Variants in CACNA1A observed in about 807,000 individuals in gnomAD.
CACNA1A encodes the protein voltage-dependent P/Q-type calcium channel subunit alpha-1A.
Under a neutral mutation model 262.4 loss-of-function variants are expected in CACNA1A, and 57 were observed. The ratio of observed to expected loss-of-function variants is 0.22; its 90% confidence interval spans 0.18 to 0.27. The LOEUF (loss-of-function observed/expected upper bound fraction) is 0.27, where lower values mean the gene tolerates loss of function less well. Ranked by LOEUF, CACNA1A falls within the 10% of genes least tolerant of loss-of-function variation. CACNA1A has a pLI of 1.00. For synonymous variants in CACNA1A, 1,431 were observed against 1,419.3 expected (o/e 1.01, Z -0.18); for missense variants, 2,526 against 3,562.8 (o/e 0.71, Z 7.41).
chr19:13,209,411 C>A lies in CACNA1A; in HGVS notation c.6427G>T (p.Val2143Phe). ...RRLDDYSLER[V>F]PPEENQRHHQ... ...TGCCGCTGGTTCTCCTCGGGCGGGA[C>A]CCGCTCCAGCGAGTAATCGTCCAGG... The change falls in exon 45 of 47, where the codon GTC (valine) becomes TTC (phenylalanine). Residue 2143 changes from valine (V) to phenylalanine (F), a missense_variant. Physicochemically the swap from Val to Phe is conservative, Grantham distance 50 (BLOSUM62 -1). This residue lies in a region of CACNA1A where 929 missense variants were observed against 868.1 expected (regional missense o/e 1.07). Coordinates refer to ENST00000360228, the MANE Select transcript of CACNA1A (RefSeq NM_001127222.2). 1 of 1,395,328 alleles carries A rather than the reference C, an allele frequency of 7.2e-7. No homozygotes were observed. The highest frequency in any genetic ancestry group is 9.3e-7 in the Non-Finnish European group (1 of 1,070,908). The allele number at this position is 1,395,328 out of a possible 1,614,324, so 86.4% of individuals were successfully genotyped here. A position where few individuals can be genotyped will look rare whatever the true frequency, so the allele number is the denominator to read the frequency against.
At chr19:13,321,025 CTTTT>C (rs55792271) in intron 10 of CACNA1A, among the ~76,000 whole-genome samples, 12 of 135,938 alleles carry the variant, frequency 8.8e-5, no homozygotes, top group African/African-American at 1.4e-4. Flanking sequence ...TGTTCTTTTC[CTTTT>C]TTTTTTTTTT....
At chr19:13,311,849 T>C (rs937680244) in intron 12 of CACNA1A, among the ~76,000 whole-genome samples, 12 of 151,580 alleles carry the variant, frequency 7.9e-5, no homozygotes, top group African/African-American at 2.9e-4. Flanking sequence ...AAACAAAAAA[T>C]AAAAACAAAA....
At position 13,207,124 on chromosome 19, in the gene CACNA1A, C is replaced by T. The variant is rs1192682771; in HGVS notation, c.*189G>A. The T allele has an allele frequency of 1.4e-5, 8 of 558,766 alleles. 1 individual carries two copies. The highest frequency in any genetic ancestry group is 1.4e-4 in the South Asian group (5 of 36,772). The allele number at this position is 558,766 out of a possible 1,614,324, so 34.6% of individuals were successfully genotyped here. ...GGGCGCCGTGGCTGCCCAGGAGGGT[C>T]TCTTTTGGCCGAGGGTCTCTGCGGG... On this transcript the variant is annotated 3_prime_UTR_variant, in exon 47 of 47. Transcript: ENST00000360228. This position sits in a 1 kb window ranked among gnomAD's most constrained non-coding sequence, Gnocchi z 5.7.
At chr19:13,392,346 T>C (rs1599355038) in intron 3 of CACNA1A, among the ~76,000 whole-genome samples, 1 of 151,472 alleles carries the variant, frequency 6.6e-6, no homozygotes, top group South Asian at 2.1e-4. Context: ...CTAGAGGAGG[T>C]GGTGAAAGAG....
At chr19:13,365,221 C>T in intron 5 of CACNA1A, 96 bp downstream of exon 5, 1 of 1,086,904 alleles carries the variant, frequency 9.2e-7, no homozygotes, top group South Asian at 1.6e-5. Context: ...GTCCTCCCAG[C>T]TGCCAGGAGA....
At chr19:13,272,257 T>C (rs2057039328) in intron 24 of CACNA1A, 1 of 152,204 alleles carries the variant, frequency 6.6e-6, no homozygotes, top group African/African-American at 2.4e-5. Flanking sequence ...AAGGTAAGCA[T>C]TGTGTGTGGA....
rs1250240420 is a variant in CACNA1A, at chr19:13,371,585, G to A, written c.631+103C>T. ...CAAAGAAGAGACTGCCCTCACACAG[G>A]CTGGTGGCAGGATGTGGCCTCCTGA... On this transcript the variant is annotated intron_variant, in intron 4 of 46. Transcript: ENST00000360228. 22 of 791,308 alleles carry A rather than the reference G, an allele frequency of 2.8e-5. No individual in the cohort carries two copies. The East Asian group carries it at 5.6e-4, about 20-fold the overall frequency. 49.0% of individuals were successfully genotyped at this position (791,308 alleles called of 1,614,324 possible).
At chr19:13,452,054 TG>T (rs2060926023) in intron 3 of CACNA1A, 1 of 152,156 alleles carries the variant, frequency 6.6e-6, no homozygotes, top group Non-Finnish European at 1.5e-5. Flanking sequence ...AAGCTGGTCT[TG>T]AACTCCTGAG....
chr19:13,488,899 T>G (rs1980388584), intron 1 of CACNA1A, among the ~76,000 whole-genome samples: 1 of 151,914 alleles, frequency 6.6e-6, no homozygotes, highest in Non-Finnish European at 1.5e-5. Context: ...AGATCTGCAC[T>G]ATTCAGCACA....
intron 15 of CACNA1A, 114 bp from the exon 16 acceptor site, chr19:13,303,998 T>A: frequency 1.4e-6 from 1 of 730,216 alleles, no homozygotes; most frequent in Non-Finnish European, 2.4e-6. Context: ...AGGAGGTCTT[T>A]AACAATCCTG....
intron 30 of CACNA1A, among the ~76,000 whole-genome samples, chr19:13,247,713 A>AAT (rs1555741538): frequency 4.1e-5 from 6 of 146,626 alleles, no homozygotes; most frequent in African/African-American, 1.3e-4. Flanking sequence ...TAAATAAATA[A>AAT]AAATAAATAA....
At chr19:13,483,072 T>C (rs1979547533) in intron 1 of CACNA1A, among the ~76,000 whole-genome samples, 1 of 152,152 alleles carries the variant, frequency 6.6e-6, no homozygotes, top group Non-Finnish European at 1.5e-5. Context: ...TCATACACCA[T>C]GGGATGAAAT....
intron 3 of CACNA1A, among the ~76,000 whole-genome samples, chr19:13,375,960 T>G (rs1568585164): frequency 6.6e-6 from 1 of 152,142 alleles, no homozygotes; most frequent in African/African-American, 2.4e-5. Context: ...GTGGTCTGGA[T>G]AGAAGATCAA....
intron 3 of CACNA1A, 85 bp from the exon 4 acceptor site, chr19:13,371,864 G>T: frequency 1.0e-6 from 1 of 967,502 alleles, no homozygotes; most frequent in Non-Finnish European, 1.6e-6. Flanking sequence ...ATTCCAAGCT[G>T]TCCTGTATTG....
At chr19:13,251,524 A>AT (rs1309198855) in intron 30 of CACNA1A, among the ~76,000 whole-genome samples, 2 of 152,154 alleles carry the variant, frequency 1.3e-5, no homozygotes, top group Non-Finnish European at 2.9e-5. Context: ...TGAGTAACAA[A>AT]TTCTAGCTGT....
chr19:13,435,883 G>A (rs1162541131), intron 3 of CACNA1A, among the ~76,000 whole-genome samples: 1 of 152,108 alleles, frequency 6.6e-6, no homozygotes, highest in African/African-American at 2.4e-5. Context: ...GGAGTGCAGT[G>A]GCGCAGACTC....
intron 1 of CACNA1A, among the ~76,000 whole-genome samples, chr19:13,496,174 A>G (rs1399754619): frequency 6.6e-6 from 1 of 152,136 alleles, no homozygotes; most frequent in South Asian, 2.1e-4. Context: ...AACTTAAAAG[A>G]CTGCGTTGTG....
At chr19:13,228,498 T>C (rs545061455) in intron 36 of CACNA1A, 2 of 195,144 alleles carry the variant, frequency 1.0e-5, no homozygotes, top group South Asian at 1.9e-4. Flanking sequence ...GGAGGAAATA[T>C]GTTCCATGCT....
intron 6 of CACNA1A, among the ~76,000 whole-genome samples, chr19:13,359,389 T>C (rs1408506146): frequency 6.6e-6 from 1 of 152,180 alleles, no homozygotes; most frequent in Non-Finnish European, 1.5e-5. Flanking sequence ...CTGGGGGCCC[T>C]CCAGACTTCT....
Sources: allele counts gnomAD v4.1 joint callset (sites outside exome capture counted in the v4.1 genomes callset), GRCh38; gene constraint gnomAD v4.1.1; regional missense constraint gnomAD v4.1.1; non-coding constraint Gnocchi (gnomAD v3.1); transcripts MANE v1.5; gene names NCBI Gene and HGNC (gene_info 2026-07-23, HGNC 2026-07-21).